Variants in STK32C observed in about 807,000 individuals in gnomAD.
STK32C encodes the protein serine/threonine-protein kinase 32C.
A neutral mutation model predicts 56.5 loss-of-function variants in STK32C; 31 were observed. That is an observed-to-expected ratio of 0.55 (90% CI 0.41 to 0.74). STK32C has a LOEUF of 0.74. Ranked by LOEUF, STK32C falls within the 30% of genes least tolerant of loss-of-function variation. The pLI, the probability that STK32C is intolerant of heterozygous loss-of-function variation, is 0.00. For missense variants in STK32C, 544 were observed against 676.9 expected (o/e 0.80, Z 2.18); for synonymous variants, 309 against 289.4 (o/e 1.07, Z -0.69).
At chr10:132,322,263 A>T (rs1156774199), downstream of STK32C, among the ~76,000 whole-genome samples, 1 of 152,176 alleles carries the variant, frequency 6.6e-6, no homozygotes, top group Non-Finnish European at 1.5e-5. Flanking sequence ...ATGTATCTCT[A>T]TCTTTTCCCT....
chr10:132,249,120 CG>C (rs1565108307), intron 1 of STK32C: 1 of 392,860 alleles, frequency 2.5e-6, no homozygotes, highest in South Asian at 1.8e-5. Context: ...CGTGCCGGGG[CG>C]GGGCTGTGGC....
Position 132,242,642 on chromosome 10 carries a change from G to GC in STK32C, c.318+3257dup, listed in dbSNP as rs561342215. On this transcript the variant is annotated intron_variant, in intron 2 of 11. Coordinates refer to ENST00000298630, the MANE Select transcript of STK32C (RefSeq NM_173575.4). ...CCTGTAGTCTCCCCAAAAGCTGTGTGCCCCCCATGCGGCCCCCCGCGCCCC... is the reference window on the plus strand; with the variant it reads ...CCTGTAGTCTCCCCAAAAGCTGTGTGCCCCCCCATGCGGCCCCCCGCGCCCC... 6.1e-3 allele frequency among the ~76,000 whole-genome samples: 927 copies of GC among 152,202 alleles called. 6 individuals are homozygous for GC. The highest frequency in any genetic ancestry group is 9.5e-3 in the Non-Finnish European group (647 of 68,000).
chr10:132,248,259 A>C (rs1332327287), intron 1 of STK32C, among the ~76,000 whole-genome samples: 1 of 152,228 alleles, frequency 6.6e-6, no homozygotes, highest in Non-Finnish European at 1.5e-5. Flanking sequence ...GATGGGCTGA[A>C]CTAGTGGAGG....
chr10:132,221,635 C>G (rs998426528), intron 10 of STK32C, among the ~76,000 whole-genome samples: 1 of 145,812 alleles, frequency 6.9e-6, no homozygotes, highest in Non-Finnish European at 1.5e-5. Context: ...CCCCCACACA[C>G]AACTGATGTC....
chr10:132,211,445 A>T (rs541318168), intron 10 of STK32C, among the ~76,000 whole-genome samples: 22 of 152,308 alleles, frequency 1.4e-4, no homozygotes, highest in Admixed American at 5.9e-4. Flanking sequence ...TCCTAGGCAG[A>T]GAGGCCACCA....
At position 132,268,295 on chromosome 10, in the gene STK32C, G is replaced by A. The variant is rs532360163; in HGVS notation, c.263-22340C>T. On this transcript the variant is annotated intron_variant, in intron 1 of 11. Coordinates refer to ENST00000298630, the MANE Select transcript of STK32C (RefSeq NM_173575.4). The stretch of plus-strand genomic sequence containing the variant: ...GGTTCAGCTCTATGCCTGTGTGCAT[G>A]CATGTCTCTCACATTGTGTATGTGT... 1.8e-3 allele frequency among the ~76,000 whole-genome samples: 180 copies of A among 101,760 alleles called. 8 individuals carry two copies. Among genetic ancestry groups the A allele is most frequent in the Non-Finnish European group, 2.8e-3 (141 of 50,206 alleles). 66.8% of individuals were successfully genotyped at this position (101,760 alleles called of 152,430 possible). A position where few individuals can be genotyped will look rare whatever the true frequency, so the allele number is the denominator to read the frequency against.
intron 11 of STK32C, 115 bp from the exon 12 acceptor site, chr10:132,208,266 G>C: frequency 8.4e-7 from 1 of 1,196,248 alleles, no homozygotes; most frequent in Non-Finnish European, 1.1e-6. Context: ...CCAAACGTGG[G>C]CCACAGGCTC....
intron 1 of STK32C, among the ~76,000 whole-genome samples, chr10:132,327,633 G>C (rs944526033): frequency 6.6e-6 from 1 of 151,826 alleles, no homozygotes; most frequent in African/African-American, 2.4e-5. Flanking sequence ...GCACCACCAC[G>C]CCTGGATAAT....
chr10:132,225,232 C>A lies in STK32C; in HGVS notation c.876+1G>T. On this transcript the variant is annotated splice_donor_variant, in intron 7 of 11. Coordinates refer to ENST00000298630, the MANE Select transcript of STK32C (RefSeq NM_173575.4). LOFTEE classifies it high-confidence loss of function. ...GCCCAGGGGCTGCAGGGGGTCCATA[C>A]CCATCCTCGCAGCAGCTCATAGGCC... The A allele has an allele frequency of 6.2e-7, 1 of 1,606,284 alleles. No individual in the cohort carries two copies.
intron 1 of STK32C, among the ~76,000 whole-genome samples, chr10:132,293,662 G>A (rs535257183): frequency 9.8e-5 from 15 of 152,294 alleles, no homozygotes; most frequent in East Asian, 1.9e-4. Context: ...CAGAGGGAAC[G>A]CAGGGCAGGC....
chr10:132,309,350 C>G (rs1385780815), upstream of STK32C, among the ~76,000 whole-genome samples: 1 of 152,004 alleles, frequency 6.6e-6, no homozygotes, highest in Non-Finnish European at 1.5e-5. Flanking sequence ...TGGACATGCA[C>G]CCGCCTGGAC....
rs775483204 is a variant in STK32C, at chr10:132,228,040, C to A, written c.407G>T (p.Arg136Leu). The stretch of plus-strand genomic sequence containing the variant: ...GATCTCCAGCTCCCGGAAGACGTTG[C>A]GGACCTCGTCGCGCTCGATGCACTG... Reference protein sequence around the residue: ...KQQCIERDEVRNVFRELEILQ... With the variant: ...KQQCIERDEVLNVFRELEILQ... Residue 136 changes from arginine (R) to leucine (L), a missense_variant, in exon 3 of 12, where the codon CGC (arginine) becomes CTC (leucine). Physicochemically the swap from Arg to Leu is moderately radical, Grantham distance 102. Coordinates refer to ENST00000298630, the MANE Select transcript of STK32C (RefSeq NM_173575.4). 3.1e-6 allele frequency: 5 copies of A among 1,613,944 alleles called. No individual in the cohort carries two copies. The East Asian group carries it at 1.1e-4, about 36-fold the overall frequency.
At chr10:132,227,570 G>A (rs955804359) in intron 3 of STK32C, among the ~76,000 whole-genome samples, 2 of 151,812 alleles carry the variant, frequency 1.3e-5, no homozygotes, top group Non-Finnish European at 2.9e-5. Flanking sequence ...ACGGTGATGA[G>A]AGTGATGATG....
At chr10:132,209,437 C>T in intron 10 of STK32C, 2 of 515,200 alleles carry the variant, frequency 3.9e-6, no homozygotes, top group African/African-American at 1.9e-5. Context: ...CCTTTCCCGT[C>T]TCATACCGGG....
At chr10:132,293,015 C>T (rs1031721749) in intron 1 of STK32C, among the ~76,000 whole-genome samples, 2 of 152,228 alleles carry the variant, frequency 1.3e-5, no homozygotes, top group African/African-American at 4.8e-5. Flanking sequence ...AAACCTGCCC[C>T]ACGCAACGTG....
chr10:132,210,271 A>G (rs2062250186), intron 10 of STK32C, among the ~76,000 whole-genome samples: 1 of 152,030 alleles, frequency 6.6e-6, no homozygotes, highest in Non-Finnish European at 1.5e-5. Context: ...CTATCCATGG[A>G]TCCTATTTTT....
At chr10:132,318,040 A>T (rs2066339219) in intron 1 of STK32C, among the ~76,000 whole-genome samples, 1 of 149,514 alleles carries the variant, frequency 6.7e-6, no homozygotes, top group Non-Finnish European at 1.5e-5. Flanking sequence ...GAGGCCAAGG[A>T]GGGTGGATCA....
intron 1 of STK32C, among the ~76,000 whole-genome samples, chr10:132,300,674 G>C (rs2065885429): frequency 6.6e-6 from 1 of 152,200 alleles, no homozygotes; most frequent in African/African-American, 2.4e-5. Flanking sequence ...TACTGGGAGA[G>C]GGGAGGGGCC....
At chr10:132,235,885 A>G (rs1012580690) in intron 2 of STK32C, among the ~76,000 whole-genome samples, 3 of 146,266 alleles carry the variant, frequency 2.1e-5, no homozygotes, top group African/African-American at 7.6e-5. Flanking sequence ...GGTGGCTACG[A>G]AGAGAGTCCT....
Sources: allele counts gnomAD v4.1 joint callset (sites outside exome capture counted in the v4.1 genomes callset), GRCh38; gene constraint gnomAD v4.1.1; transcripts MANE v1.5; gene names NCBI Gene and HGNC (gene_info 2026-07-23, HGNC 2026-07-21).